Variants in SCHIP1 observed in about 807,000 individuals in gnomAD.
The protein encoded by SCHIP1 is schwannomin interacting protein 1, also known as schwannomin-interacting protein 1.
SCHIP1 carries 8 observed loss-of-function variants against 29.7 expected under a neutral mutation model. That is an observed-to-expected ratio of 0.27 (90% confidence interval 0.16 to 0.49). SCHIP1 has a LOEUF of 0.49. Ranked by LOEUF, SCHIP1 falls within the 20% of genes least tolerant of loss-of-function variation. The probability of loss-of-function intolerance (pLI) is 0.99; values close to 1 mark genes in which losing one functional copy is unlikely to be tolerated. For missense variants in SCHIP1, 193 were observed against 294.6 expected (o/e 0.66, Z 2.52); for synonymous variants, 76 against 94.9 (o/e 0.80, Z 1.16).
At chr3:159,589,214 T>G in the SCHIP1 span, among the ~76,000 whole-genome samples, 9 of 152,282 alleles carry the variant, frequency 5.9e-5, no homozygotes, top group South Asian at 1.9e-3. Flanking sequence ...GGTATTTTAT[T>G]CTCTTTGAAG....
chr3:159,779,779 A>G, the SCHIP1 span, among the ~76,000 whole-genome samples: 1 of 151,996 alleles, frequency 6.6e-6, no homozygotes, highest in Non-Finnish European at 1.5e-5. Context: ...TTAACTAATT[A>G]TGTGTTCAAT....
chr3:159,760,401 A>G, the SCHIP1 span, among the ~76,000 whole-genome samples: 1 of 152,216 alleles, frequency 6.6e-6, no homozygotes, highest in Non-Finnish European at 1.5e-5. Context: ...ACCAAAGGAT[A>G]CTAAGCTGAG....
At chr3:159,427,771 A>T in the SCHIP1 span, among the ~76,000 whole-genome samples, 29 of 152,334 alleles carry the variant, frequency 1.9e-4, no homozygotes, top group African/African-American at 6.3e-4. Context: ...AGCTGGAGGC[A>T]TCACACTACC....
At chr3:159,491,417 T>A in the SCHIP1 span, among the ~76,000 whole-genome samples, 1 of 152,180 alleles carries the variant, frequency 6.6e-6, no homozygotes, top group East Asian at 1.9e-4. Context: ...AATACTGCGC[T>A]TTTCCAACGG....
the SCHIP1 span, among the ~76,000 whole-genome samples, chr3:159,597,745 G>A: frequency 3.3e-5 from 5 of 152,168 alleles, no homozygotes; most frequent in Non-Finnish European, 7.4e-5. Flanking sequence ...ACACGAAAGT[G>A]CAATATCCCT....
At chr3:159,600,933 A>C in the SCHIP1 span, among the ~76,000 whole-genome samples, 1 of 152,160 alleles carries the variant, frequency 6.6e-6, no homozygotes, top group Non-Finnish European at 1.5e-5. Context: ...TTTAACTATA[A>C]ATAGTATTAG....
chr3:159,795,346 C>T, the SCHIP1 span, among the ~76,000 whole-genome samples: 1 of 152,226 alleles, frequency 6.6e-6, no homozygotes. Flanking sequence ...AGCTCTTCCA[C>T]TCACTAGCTA....
the SCHIP1 span, among the ~76,000 whole-genome samples, chr3:159,351,161 C>G: frequency 6.6e-6 from 1 of 152,160 alleles, no homozygotes; most frequent in Non-Finnish European, 1.5e-5. Flanking sequence ...CCTTCATGCT[C>G]TTACAGTTCT....
At chr3:159,430,143 C>T in the SCHIP1 span, among the ~76,000 whole-genome samples, 1 of 151,972 alleles carries the variant, frequency 6.6e-6, no homozygotes, top group East Asian at 1.9e-4. Flanking sequence ...ATGTCTGTTC[C>T]TGAATGTGTT....
the SCHIP1 span, among the ~76,000 whole-genome samples, chr3:159,441,159 A>G: frequency 6.6e-6 from 1 of 152,116 alleles, no homozygotes; most frequent in Non-Finnish European, 1.5e-5. Flanking sequence ...ATATGCATGC[A>G]CACACACACT....
the SCHIP1 span, among the ~76,000 whole-genome samples, chr3:159,336,310 T>C: frequency 2.0e-5 from 3 of 152,148 alleles, no homozygotes; most frequent in Non-Finnish European, 4.4e-5. Flanking sequence ...TTCACTCCGA[T>C]GGTAGTTTCT....
At chr3:159,690,104 G>A in the SCHIP1 span, among the ~76,000 whole-genome samples, 4 of 152,116 alleles carry the variant, frequency 2.6e-5, no homozygotes, top group Non-Finnish European at 5.9e-5. Context: ...GATGATGCTG[G>A]CCTCAAAAAA....
exon 1 of SCHIP1, chr3:159,840,074 C>T: frequency 6.6e-7 from 1 of 1,518,118 alleles, no homozygotes; most frequent in South Asian, 1.2e-5. Flanking sequence ...TGCGGGGAGC[C>T]CCTGCCTTAC....
the SCHIP1 span, among the ~76,000 whole-genome samples, chr3:159,298,280 C>T: frequency 6.6e-6 from 1 of 152,168 alleles, no homozygotes; most frequent in Admixed American, 6.6e-5. Context: ...CCTTTGCTCA[C>T]CTTACCACTT....
At chr3:159,452,876 A>AT in the SCHIP1 span, among the ~76,000 whole-genome samples, 19 of 152,302 alleles carry the variant, frequency 1.2e-4, no homozygotes, top group African/African-American at 4.3e-4. Flanking sequence ...GCAAGAGAGA[A>AT]TTTTTTAAAT....
chr3:159,768,912 C>G, the SCHIP1 span, among the ~76,000 whole-genome samples: 1 of 152,332 alleles, frequency 6.6e-6, no homozygotes, highest in African/African-American at 2.4e-5. Context: ...CAGAAGTGCC[C>G]CTTCCATGGG....
chr3:159,571,344 T>C, the SCHIP1 span, among the ~76,000 whole-genome samples: 2 of 152,232 alleles, frequency 1.3e-5, no homozygotes, highest in African/African-American at 4.8e-5. Flanking sequence ...CATGAAGATC[T>C]GTTGAATTTT....
chr3:159,453,595 T>C, the SCHIP1 span, among the ~76,000 whole-genome samples: 1 of 152,214 alleles, frequency 6.6e-6, no homozygotes, highest in South Asian at 2.1e-4. Flanking sequence ...TAATTATGTC[T>C]GTACTGCCTA....
chr3:159,273,545 G>C, the SCHIP1 span: 1 of 1,223,212 alleles, frequency 8.2e-7, no homozygotes, highest in African/African-American at 1.6e-5. Flanking sequence ...TCAATTTGAA[G>C]AACACTGGCA....
Sources: gnomAD v4.1 joint callset for allele counts (sites outside exome capture counted in the v4.1 genomes callset) on GRCh38, gnomAD v4.1.1 for gene constraint, MANE v1.5 for transcripts, NCBI Gene and HGNC (gene_info 2026-07-23, HGNC 2026-07-21) for gene names.